ESR1: variants seen among roughly 807,000 people sequenced by gnomAD.
ESR1 encodes estrogen receptor 1, also known as estrogen receptor.
Under a neutral mutation model 52.7 loss-of-function variants are expected in ESR1, and 12 were observed. The ratio of observed to expected loss-of-function variants is 0.23; its 90% confidence interval spans 0.15 to 0.37. ESR1 has a LOEUF of 0.37. ESR1 is among the 10% of genes least tolerant of loss of function. The pLI is 1.00. For synonymous variants in ESR1, 305 were observed against 316.8 expected (o/e 0.96, Z 0.39); for missense variants, 584 against 779.7 (o/e 0.75, Z 2.99).
At chr6:151,719,272 T>G (rs1781278124) in intron 2 of ESR1, among the ~76,000 whole-genome samples, 1 of 152,094 alleles carries the variant, frequency 6.6e-6, no homozygotes, top group Admixed American at 6.5e-5. Flanking sequence ...TAGGTCTAGA[T>G]GTCAAAAGGT....
rs138693003 is a variant in ESR1 at position 152,103,002 on chromosome 6, C to T, written c.*4036C>T. 1.4e-5 allele frequency: 3 copies of T among 221,954 alleles called. No homozygotes were observed. Among genetic ancestry groups the T allele is most frequent in the Non-Finnish European group, 2.7e-5 (3 of 110,738 alleles). 13.7% of individuals were successfully genotyped at this position (221,954 alleles called of 1,614,324 possible). Reference sequence around the variant, plus strand: ...TTTCTGTTCTCTCACAGGTGATAAACAATGCTTTTTGTGCACTACATACTC... The same window carrying T: ...TTTCTGTTCTCTCACAGGTGATAAATAATGCTTTTTGTGCACTACATACTC... On this transcript the variant is annotated 3_prime_UTR_variant, in exon 8 of 8. Coordinates refer to ENST00000206249, the MANE Select transcript of ESR1 (RefSeq NM_000125.4).
intron 4 of ESR1, among the ~76,000 whole-genome samples, chr6:152,009,890 A>G (rs557205520): frequency 1.3e-5 from 2 of 152,304 alleles, no homozygotes; most frequent in East Asian, 1.9e-4. Context: ...GCAATGGAAT[A>G]CCACTTAGGA....
intron 1 of ESR1, among the ~76,000 whole-genome samples, chr6:151,826,747 C>A (rs1182199387): frequency 2.0e-5 from 3 of 152,170 alleles, no homozygotes; most frequent in Non-Finnish European, 2.9e-5. Context: ...TCATTCAACA[C>A]ATATTCATTG....
At chr6:152,055,054 T>C (rs1299335522) in intron 5 of ESR1, among the ~76,000 whole-genome samples, 1 of 152,188 alleles carries the variant, frequency 6.6e-6, no homozygotes. Flanking sequence ...ATTGTACATA[T>C]ATTCCATATT....
chr6:152,025,086 TA>T (rs2044025700), intron 5 of ESR1, among the ~76,000 whole-genome samples: 1 of 151,870 alleles, frequency 6.6e-6, no homozygotes, highest in Non-Finnish European at 1.5e-5. Flanking sequence ...ACAAAGTTTA[TA>T]GGAATTTCTG....
chr6:151,783,612 A>C (rs1353923649), intron 2 of ESR1, among the ~76,000 whole-genome samples: 1 of 152,224 alleles, frequency 6.6e-6, no homozygotes, highest in Non-Finnish European at 1.5e-5. Context: ...TAGATTTTAG[A>C]TTTAAATTGG....
intron 6 of ESR1, among the ~76,000 whole-genome samples, chr6:152,111,390 C>T (rs753637076): frequency 1.3e-5 from 2 of 152,212 alleles, no homozygotes; most frequent in Non-Finnish European, 2.9e-5. Flanking sequence ...TTGCCAAGAG[C>T]CAGTCGCCCC....
intron 2 of ESR1, among the ~76,000 whole-genome samples, chr6:151,720,768 T>C (rs1414378195): frequency 6.6e-6 from 1 of 152,172 alleles, no homozygotes; most frequent in Admixed American, 6.5e-5. Context: ...AACACCAATT[T>C]TAGGTTGTCT....
intron 2 of ESR1, among the ~76,000 whole-genome samples, chr6:151,720,354 C>T (rs1422669126): frequency 1.3e-5 from 2 of 152,074 alleles, no homozygotes; most frequent in African/African-American, 4.8e-5. Flanking sequence ...CTTTAATATC[C>T]CTTTGCCTTC....
At chr6:151,953,055 G>A (rs77714417) in intron 4 of ESR1, among the ~76,000 whole-genome samples, 6,003 of 152,130 alleles carry the variant, frequency 0.039, 148 homozygotes, top group Non-Finnish European at 0.061. Flanking sequence ...TGTGATGACC[G>A]CTTGGACTGA....
chr6:151,716,895 T>C (rs1281956823), intron 2 of ESR1, among the ~76,000 whole-genome samples: 1 of 152,190 alleles, frequency 6.6e-6, no homozygotes, highest in Non-Finnish European at 1.5e-5. Flanking sequence ...CAAAAACTCC[T>C]GTAGCTAGTT....
chr6:151,817,989 AC>A lies in ESR1; in HGVS notation c.452+9627del, dbSNP rs768019750. 4.7e-4 allele frequency among the ~76,000 whole-genome samples: 72 copies of A among 152,288 alleles called. 1 individual carries two copies. The highest frequency in any genetic ancestry group is 1.2e-3 in the South Asian group (6 of 4,818). On this transcript the variant is annotated intron_variant, in intron 1 of 7. Transcript: ENST00000206249. The stretch of plus-strand genomic sequence containing the variant: ...AAGTCCTGTAAGTTTGAATCCTTAA[AC>A]CAGTCTTAAATGTGGAGGAGGACTC...
At chr6:151,843,267 C>T (rs1199574986) in intron 2 of ESR1, among the ~76,000 whole-genome samples, 3 of 152,120 alleles carry the variant, frequency 2.0e-5, no homozygotes, top group Non-Finnish European at 4.4e-5. Flanking sequence ...TTCTCTCTTC[C>T]ATCTCTTTCT....
chr6:151,942,960 C>T (rs73784108), intron 3 of ESR1, among the ~76,000 whole-genome samples: 57 of 152,256 alleles, frequency 3.7e-4, no homozygotes, highest in African/African-American at 1.3e-3. Context: ...TACATTTCAG[C>T]AGTACAGTAT....
At chr6:151,764,362 T>C (rs1357007741) in intron 2 of ESR1, among the ~76,000 whole-genome samples, 1 of 152,158 alleles carries the variant, frequency 6.6e-6, no homozygotes, top group African/African-American at 2.4e-5. Context: ...ATTTTTATGT[T>C]ATAGATTGGA....
intron 6 of ESR1, among the ~76,000 whole-genome samples, chr6:152,083,591 C>G (rs1164308377): frequency 6.6e-6 from 1 of 152,110 alleles, no homozygotes; most frequent in African/African-American, 2.4e-5. Context: ...CATCAAAAGC[C>G]AAAATAGACA....
intron 4 of ESR1, among the ~76,000 whole-genome samples, chr6:152,008,185 C>A (rs995725993): frequency 2.6e-5 from 4 of 152,088 alleles, no homozygotes; most frequent in African/African-American, 9.7e-5. Context: ...AATAATCTTT[C>A]ATAGTCTTCA....
intron 2 of ESR1, among the ~76,000 whole-genome samples, chr6:151,767,600 C>T (rs147172432): frequency 2.0e-5 from 3 of 152,050 alleles, no homozygotes; most frequent in Non-Finnish European, 2.9e-5. Flanking sequence ...CTGAATACAG[C>T]GTGATAGGTA....
At chr6:151,904,972 G>T (rs940504224) in intron 3 of ESR1, among the ~76,000 whole-genome samples, 1 of 152,066 alleles carries the variant, frequency 6.6e-6, no homozygotes, top group South Asian at 2.1e-4. Flanking sequence ...TGATTTCTTT[G>T]ATTTAAACCC....
Sources: allele counts gnomAD v4.1 joint callset (sites outside exome capture counted in the v4.1 genomes callset), GRCh38; gene constraint gnomAD v4.1.1; transcripts MANE v1.5; gene names NCBI Gene and HGNC (gene_info 2026-07-23, HGNC 2026-07-21).